GALNTL6: variants seen among roughly 807,000 people sequenced by gnomAD.
The protein encoded by GALNTL6 is polypeptide N-acetylgalactosaminyltransferase like 6, also known as polypeptide N-acetylgalactosaminyltransferase-like 6.
A neutral mutation model predicts 73.7 loss-of-function variants in GALNTL6; 46 were observed. The ratio of observed to expected loss-of-function variants is 0.62; its 90% CI spans 0.49 to 0.80. GALNTL6 has a LOEUF of 0.80. Among genes scored for constraint, GALNTL6 ranks in the 30% least tolerant of loss-of-function variants. The probability of loss-of-function intolerance (pLI) is 0.00; values close to 1 mark genes in which losing one functional copy is unlikely to be tolerated. For synonymous variants in GALNTL6, 259 were observed against 263.7 expected (o/e 0.98, Z 0.17); for missense variants, 604 against 755.0 (o/e 0.80, Z 2.34).
At chr4:172,014,619 A>G (rs1409645314) in intron 2 of GALNTL6, among the ~76,000 whole-genome samples, 2 of 151,586 alleles carry the variant, frequency 1.3e-5, no homozygotes, top group African/African-American at 2.4e-5. Context: ...TTGTTTCTCT[A>G]GTTACTTGAG....
chr4:172,211,918 A>G (rs1166400570), intron 2 of GALNTL6, among the ~76,000 whole-genome samples: 1 of 152,170 alleles, frequency 6.6e-6, no homozygotes, highest in Non-Finnish European at 1.5e-5. Flanking sequence ...CCCACTTCTC[A>G]ATATAATCAC....
At chr4:172,111,771 C>A (rs1025686001) in intron 2 of GALNTL6, among the ~76,000 whole-genome samples, 1 of 151,860 alleles carries the variant, frequency 6.6e-6, no homozygotes, top group South Asian at 2.1e-4. Flanking sequence ...TTTTTTGGAG[C>A]AGTTTTAGGC....
chr4:172,365,731 A>T (rs58332886), intron 5 of GALNTL6, among the ~76,000 whole-genome samples: 1 of 151,758 alleles, frequency 6.6e-6, no homozygotes, highest in Non-Finnish European at 1.5e-5. Context: ...ATCAAAATGT[A>T]TGTAGTGCGA....
chr4:172,132,791 G>T (rs1733535587), intron 2 of GALNTL6, among the ~76,000 whole-genome samples: 1 of 151,902 alleles, frequency 6.6e-6, no homozygotes, highest in African/African-American at 2.4e-5. Context: ...GAGATTTGAA[G>T]AAAAAAATCT....
chr4:172,115,752 A>C lies in GALNTL6; in HGVS notation c.139-113904A>C, dbSNP rs370732938. Among the ~76,000 whole-genome samples, 5 of 152,240 alleles carry C rather than the reference A, an allele frequency of 3.3e-5. No individual in the cohort carries two copies. The East Asian group carries it at 9.6e-4, about 29-fold the overall frequency. On this transcript the variant is annotated intron_variant, in intron 2 of 12. Transcript: ENST00000506823. ...TCGTGGAACAGTAAGCCTGAAGTAA[A>C]TATCTTAGAACATTTTATAATATAA...
chr4:172,021,559 C>G (rs934348367), intron 2 of GALNTL6, among the ~76,000 whole-genome samples: 1 of 151,914 alleles, frequency 6.6e-6, no homozygotes, highest in Non-Finnish European at 1.5e-5. Context: ...ATCAAAATAC[C>G]AAGGTCATTC....
intron 2 of GALNTL6, among the ~76,000 whole-genome samples, chr4:172,162,591 C>CAG (rs1452666139): frequency 1.3e-5 from 2 of 151,662 alleles, no homozygotes; most frequent in Admixed American, 6.6e-5. Flanking sequence ...AAAATAGCTG[C>CAG]AGAGAGAGAG....
intron 2 of GALNTL6, among the ~76,000 whole-genome samples, chr4:172,141,989 G>A (rs558838114): frequency 6.6e-6 from 1 of 151,718 alleles, no homozygotes; most frequent in Non-Finnish European, 1.5e-5. Context: ...TAGATTTGCT[G>A]AAAGAATCAG....
At chr4:172,373,760 G>C (rs977390648) in intron 5 of GALNTL6, among the ~76,000 whole-genome samples, 1 of 152,196 alleles carries the variant, frequency 6.6e-6, no homozygotes, top group Non-Finnish European at 1.5e-5. Context: ...AACAAGAAAG[G>C]CATGTGAAAA....
At chr4:172,435,296 G>C (rs1294053029) in intron 5 of GALNTL6, among the ~76,000 whole-genome samples, 1 of 152,066 alleles carries the variant, frequency 6.6e-6, no homozygotes, top group Non-Finnish European at 1.5e-5. Context: ...GGTGTCTGCT[G>C]TTGCTATTCA....
rs141833896 is a variant in GALNTL6 at position 172,573,778 on chromosome 4, T to A, written c.553+225089T>A. 3.6e-3 allele frequency among the ~76,000 whole-genome samples: 552 copies of A among 152,304 alleles called. 1 individual carries two copies. Among genetic ancestry groups the A allele is most frequent in the African/African-American group, 0.013 (529 of 41,570 alleles). Reference sequence around the variant, plus strand: ...TATACATATAATATTTTCAAGAATGTAAAATCTTTTATTCAGATGTTTTAC... The same window carrying A: ...TATACATATAATATTTTCAAGAATGAAAAATCTTTTATTCAGATGTTTTAC... On this transcript the variant is annotated intron_variant, in intron 5 of 12. Transcript: ENST00000506823.
In GALNTL6 at chr4:172,487,916, ATTT is replaced by A. The variant is rs572034106; in HGVS notation, c.553+139230_553+139232del. On this transcript the variant is annotated intron_variant, in intron 5 of 12. Coordinates refer to ENST00000506823, the MANE Select transcript of GALNTL6 (RefSeq NM_001034845.3). ...GAGAATTAGGTGCTACCATAGAATT[ATTT>A]TTAAAATGCAGCAGAGAATAGAGCA... Among the ~76,000 whole-genome samples the A allele has an allele frequency of 8.6e-3, 1,312 of 152,306 alleles. 5 individuals are homozygous for A. Among genetic ancestry groups the A allele is most frequent in the Middle Eastern group, 0.02 (6 of 294 alleles).
intron 5 of GALNTL6, among the ~76,000 whole-genome samples, chr4:172,514,255 A>C (rs1734525538): frequency 6.6e-6 from 1 of 151,964 alleles, no homozygotes; most frequent in Non-Finnish European, 1.5e-5. Context: ...CTGAACTCAG[A>C]CTCTCCTTGG....
intron 5 of GALNTL6, among the ~76,000 whole-genome samples, chr4:172,387,670 G>A (rs917358582): frequency 4.0e-4 from 61 of 151,996 alleles, no homozygotes; most frequent in Non-Finnish European, 1.9e-4. Flanking sequence ...TATGTAGATT[G>A]ATTTTTAATC....
intron 2 of GALNTL6, among the ~76,000 whole-genome samples, chr4:172,131,576 A>T (rs1451732422): frequency 6.6e-6 from 1 of 151,250 alleles, no homozygotes; most frequent in African/African-American, 2.4e-5. Context: ...GTTGGAATTC[A>T]TGCTGTCTGC....
intron 2 of GALNTL6, among the ~76,000 whole-genome samples, chr4:172,164,636 C>T (rs1289935328): frequency 6.6e-6 from 1 of 152,012 alleles, no homozygotes. Context: ...GTTTGATCCT[C>T]AGTCCCCTGC....
intron 4 of GALNTL6, among the ~76,000 whole-genome samples, chr4:172,319,923 AGATCAC>A (rs1345560346): frequency 2.6e-5 from 4 of 152,168 alleles, no homozygotes; most frequent in African/African-American, 9.7e-5. Context: ...ATCTGAAAGA[AGATCAC>A]TCTATCCTTC....
intron 2 of GALNTL6, among the ~76,000 whole-genome samples, chr4:171,950,572 C>T (rs1208987858): frequency 1.3e-5 from 2 of 151,620 alleles, no homozygotes; most frequent in African/African-American, 2.4e-5. Flanking sequence ...CCTCTGCCCC[C>T]AGGTTCAAGC....
chr4:172,243,689 C>T (rs1049753227), intron 3 of GALNTL6, among the ~76,000 whole-genome samples: 2 of 152,086 alleles, frequency 1.3e-5, no homozygotes, highest in African/African-American at 2.4e-5. Context: ...GCATTGAAAC[C>T]CCATTCGAGA....
Sources: allele counts gnomAD v4.1 joint callset (sites outside exome capture counted in the v4.1 genomes callset), GRCh38; gene constraint gnomAD v4.1.1; transcripts MANE v1.5; gene names NCBI Gene and HGNC (gene_info 2026-07-23, HGNC 2026-07-21).